Variants in TEAD4 observed in about 807,000 individuals in gnomAD.
The protein encoded by TEAD4 is transcriptional enhancer factor TEF-3.
A neutral mutation model predicts 52.4 loss-of-function variants in TEAD4; 36 were observed. The ratio of observed to expected loss-of-function variants is 0.69; its 90% CI spans 0.53 to 0.91. The LOEUF is 0.91. Ranked by LOEUF, TEAD4 falls within the 40% of genes least tolerant of loss-of-function variation. The probability of loss-of-function intolerance (pLI) is 0.00; values close to 1 mark genes in which losing one functional copy is unlikely to be tolerated. For synonymous variants in TEAD4, 220 were observed against 231.0 expected, an observed-to-expected ratio of 0.95 and a Z score of 0.43; for missense variants, 508 against 583.9, an observed-to-expected ratio of 0.87 and a Z score of 1.34.
intron 2 of TEAD4, among the ~76,000 whole-genome samples, chr12:2,975,146 G>A (rs1172442610): frequency 4.9e-5 from 7 of 143,712 alleles, no homozygotes; most frequent in Admixed American, 4.3e-4. Flanking sequence ...GAAAGGCCCC[G>A]AGGAGAAAAA....
chr12:2,973,419 T>C (rs2153952978), intron 2 of TEAD4, among the ~76,000 whole-genome samples: 1 of 152,194 alleles, frequency 6.6e-6, no homozygotes, highest in East Asian at 1.9e-4. Flanking sequence ...GACAGTCAGA[T>C]ATGTGATTTA....
intron 3 of TEAD4, among the ~76,000 whole-genome samples, chr12:2,997,869 T>C (rs2098248519): frequency 1.3e-5 from 2 of 152,108 alleles, no homozygotes. Flanking sequence ...TTATAGTTTT[T>C]CAGTTTATAA....
At chr12:2,967,421 T>C (rs1249230356) in intron 2 of TEAD4, among the ~76,000 whole-genome samples, 1 of 152,226 alleles carries the variant, frequency 6.6e-6, no homozygotes, top group Non-Finnish European at 1.5e-5. Flanking sequence ...CTATACTATA[T>C]TTAACTATGC....
intron 8 of TEAD4, 54 bp from the exon 9 acceptor site, chr12:3,020,580 G>A (rs555880553): frequency 8.6e-4 from 1,262 of 1,475,750 alleles, no homozygotes; most frequent in Non-Finnish European, 1.1e-3. Context: ...CAGAGGGTGC[G>A]GGCAGGGCGG....
At chr12:3,039,751 G>A (rs141062064) in intron 11 of TEAD4, among the ~76,000 whole-genome samples, 2,701 of 152,272 alleles carry the variant, frequency 0.018, 84 homozygotes, top group African/African-American at 0.06. Context: ...GCAGTGGTAC[G>A]ATCTCAGCTC....
At chr12:3,017,028 G>C (rs1239105808) in intron 5 of TEAD4, 1 of 460,268 alleles carries the variant, frequency 2.2e-6, no homozygotes, top group African/African-American at 2.0e-5. Flanking sequence ...ACTCGAGGAG[G>C]GATCCAGCAG....
At chr12:2,986,376 G>A (rs535196374) in intron 2 of TEAD4, among the ~76,000 whole-genome samples, 43 of 151,924 alleles carry the variant, frequency 2.8e-4, no homozygotes, top group East Asian at 9.7e-4. Context: ...GGTGGCTCAC[G>A]CCTGCAATCC....
intron 10 of TEAD4, among the ~76,000 whole-genome samples, chr12:3,022,266 G>A (rs936266152): frequency 3.3e-5 from 5 of 152,206 alleles, no homozygotes; most frequent in Admixed American, 2.6e-4. Context: ...CAGCTAAGCC[G>A]GGCTAACAGT....
At chr12:3,031,632 T>C (rs1167371474) in intron 10 of TEAD4, among the ~76,000 whole-genome samples, 1 of 152,172 alleles carries the variant, frequency 6.6e-6, no homozygotes, top group Admixed American at 6.5e-5. Flanking sequence ...GTGAGATAGA[T>C]GGGCCCAGAT....
In TEAD4 at chr12:2,962,713, G is replaced by A. The variant is rs1169425035; in HGVS notation, c.-30+2673G>A. On this transcript the variant is annotated intron_variant, in intron 2 of 12. Coordinates refer to ENST00000359864, the MANE Select transcript of TEAD4 (RefSeq NM_003213.4). ...TTGAACTCCTGACCTCAGGTGATCC[G>A]CCTCGGCCTCCCAAAGTGCTGGGAT... is the stretch of plus-strand genomic sequence containing the variant. Among the ~76,000 whole-genome samples, 6 of 152,000 alleles carry A rather than the reference G, an allele frequency of 3.9e-5. No individual in the cohort carries two copies. The South Asian group carries it at 8.3e-4, about 21-fold the overall frequency.
chr12:3,036,790 G>A (rs1402464865), intron 10 of TEAD4, among the ~76,000 whole-genome samples: 2 of 152,150 alleles, frequency 1.3e-5, no homozygotes, highest in Non-Finnish European at 2.9e-5. Context: ...CCCCTAAGGC[G>A]TAGGGCTTCA....
intron 2 of TEAD4, among the ~76,000 whole-genome samples, chr12:2,984,924 C>T (rs2098236852): frequency 6.6e-6 from 1 of 152,122 alleles, no homozygotes; most frequent in South Asian, 2.1e-4. Context: ...GTAGGCTTGA[C>T]TGTACACTAC....
At chr12:2,960,863 C>T (rs971752033) in intron 2 of TEAD4, among the ~76,000 whole-genome samples, 1 of 152,178 alleles carries the variant, frequency 6.6e-6, no homozygotes, top group African/African-American at 2.4e-5. Context: ...CTCTGGTTGC[C>T]TGAGTGCAGG....
In TEAD4 at chr12:3,020,692, G is replaced by A; in HGVS notation, c.642G>A (p.Trp214Ter). The A allele has an allele frequency of 1.2e-6, 2 of 1,607,828 alleles. No individual in the cohort carries two copies. Among genetic ancestry groups the A allele is most frequent in the South Asian group, 1.1e-5 (1 of 89,608 alleles). The change falls in exon 9 of 13, where the codon TGG (tryptophan) becomes TGA (stop). Residue 214 changes from tryptophan to a stop codon, truncating the protein, a stop_gained. Transcript: ENST00000359864. LOFTEE classifies it high-confidence loss of function. Reference sequence around the variant, plus strand: ...CCTCTGCGCCCCCGGCACCCCCATGGCAGGGCCGCAGCGTGGCCAGCTCCA... The same window carrying A: ...CCTCTGCGCCCCCGGCACCCCCATGACAGGGCCGCAGCGTGGCCAGCTCCA...
intron 10 of TEAD4, 76 bp from the exon 11 acceptor site, chr12:3,037,892 C>T: frequency 1.3e-6 from 2 of 1,543,084 alleles, no homozygotes; most frequent in Non-Finnish European, 8.8e-7. Context: ...GGACCGGGAC[C>T]CTGAGGTCTC....
At chr12:3,000,802 G>A (rs1226630873) in intron 3 of TEAD4, among the ~76,000 whole-genome samples, 2 of 152,106 alleles carry the variant, frequency 1.3e-5, no homozygotes, top group East Asian at 1.9e-4. Context: ...GGATTCCCTC[G>A]TTTTCTGGAT....
At chr12:3,004,345 C>T (rs973864487) in intron 3 of TEAD4, among the ~76,000 whole-genome samples, 1 of 152,222 alleles carries the variant, frequency 6.6e-6, no homozygotes, top group African/African-American at 2.4e-5. Context: ...CTCGTGGTGC[C>T]TGGGACACTA....
intron 2 of TEAD4, among the ~76,000 whole-genome samples, chr12:2,971,067 C>T (rs2098224580): frequency 6.6e-6 from 1 of 152,270 alleles, no homozygotes; most frequent in Non-Finnish European, 1.5e-5. Flanking sequence ...AGCCACAGCA[C>T]CCACGGTGTG....
At position 3,012,376 on chromosome 12, in the gene TEAD4, CCT is replaced by C. The variant is rs1017677665; in HGVS notation, c.354+150_354+151del. 77 of 851,796 alleles carry C rather than the reference CCT, an allele frequency of 9.0e-5. No individual in the cohort carries two copies. In the African/African-American group the frequency reaches 1.2e-3, roughly 13 times the overall value. 52.8% of individuals were successfully genotyped at this position (851,796 alleles called of 1,614,324 possible). ...GAGGAGAGCCAGGTTGGGCCTGTAA[CCT>C]CTCTCCCATCCGCACAAGAGGGCCA... On this transcript the variant is annotated intron_variant, in intron 5 of 12. Transcript: ENST00000359864.
Sources: gnomAD v4.1 joint callset for allele counts (sites outside exome capture counted in the v4.1 genomes callset) on GRCh38, gnomAD v4.1.1 for gene constraint, MANE v1.5 for transcripts, NCBI Gene and HGNC (gene_info 2026-07-23, HGNC 2026-07-21) for gene names.